CHRM3: variants seen among roughly 807,000 people sequenced by gnomAD.
CHRM3 encodes muscarinic acetylcholine receptor M3.
Under a neutral mutation model 41.8 loss-of-function variants are expected in CHRM3, and 11 were observed. The observed-to-expected ratio is 0.26, with a 90% CI of 0.17 to 0.44. CHRM3 has a LOEUF of 0.44. Ranked by LOEUF, CHRM3 falls within the 20% of genes least tolerant of loss-of-function variation. CHRM3 has a pLI of 1.00. For synonymous variants in CHRM3, 297 were observed against 301.4 expected (o/e 0.99, Z 0.15); for missense variants, 571 against 745.4 (o/e 0.77, Z 2.72).
intron 3 of CHRM3, among the ~76,000 whole-genome samples, chr1:239,585,364 G>C (rs974798372): frequency 1.3e-5 from 2 of 152,058 alleles, no homozygotes; most frequent in Admixed American, 6.6e-5. Context: ...TTTAAGCTGA[G>C]GTTGGTAGGC....
intron 1 of CHRM3, among the ~76,000 whole-genome samples, chr1:239,419,877 A>G (rs929834027): frequency 6.6e-6 from 1 of 152,184 alleles, no homozygotes; most frequent in Non-Finnish European, 1.5e-5. Flanking sequence ...ATATAAAACA[A>G]TTTTATTTAC....
intron 3 of CHRM3, 184 bp downstream of exon 3, chr1:239,545,933 T>C (rs554114648): frequency 1.4e-3 from 214 of 152,276 alleles, no homozygotes; most frequent in African/African-American, 4.9e-3. Flanking sequence ...CTGAGCTGTA[T>C]CTATTAGGTA....
At chr1:239,633,416 C>T (rs1670089146) in intron 4 of CHRM3, among the ~76,000 whole-genome samples, 1 of 152,192 alleles carries the variant, frequency 6.6e-6, no homozygotes, top group African/African-American at 2.4e-5. Flanking sequence ...TCACCTCCCA[C>T]AAGGCCCCTC....
At chr1:239,569,487 T>G (rs2148527830) in intron 3 of CHRM3, among the ~76,000 whole-genome samples, 1 of 152,232 alleles carries the variant, frequency 6.6e-6, no homozygotes, top group Admixed American at 6.5e-5. Flanking sequence ...TAACACAAAT[T>G]AGTAGGAAAT....
chr1:239,900,394 T>TG (rs1679433706), intron 6 of CHRM3, among the ~76,000 whole-genome samples: 1 of 145,062 alleles, frequency 6.9e-6, no homozygotes, highest in African/African-American at 2.8e-5. Flanking sequence ...TTTTTTTTTT[T>TG]TGAAATCCTT....
intron 4 of CHRM3, among the ~76,000 whole-genome samples, chr1:239,674,399 A>T (rs1308649715): frequency 3.3e-5 from 5 of 152,054 alleles, no homozygotes; most frequent in Admixed American, 2.0e-4. Context: ...CCATTTGACC[A>T]TTAGTGTGGC....
intron 4 of CHRM3, among the ~76,000 whole-genome samples, chr1:239,676,569 A>G (rs1337543527): frequency 6.6e-6 from 1 of 152,194 alleles, no homozygotes; most frequent in Non-Finnish European, 1.5e-5. Context: ...TACCACATTC[A>G]TCATTGTGCC....
intron 6 of CHRM3, among the ~76,000 whole-genome samples, chr1:239,831,827 A>C (rs368470270): frequency 2.6e-5 from 4 of 152,202 alleles, no homozygotes; most frequent in Non-Finnish European, 5.9e-5. Flanking sequence ...TGTTATATAG[A>C]TTAAAGCCAA....
intron 6 of CHRM3, among the ~76,000 whole-genome samples, chr1:239,846,609 C>G (rs1039329614): frequency 6.6e-6 from 1 of 152,140 alleles, no homozygotes; most frequent in Non-Finnish European, 1.5e-5. Flanking sequence ...TTCAGAGGAA[C>G]AGCCAATATA....
At chr1:239,394,442 A>G (rs1659308468) in intron 1 of CHRM3, among the ~76,000 whole-genome samples, 1 of 152,158 alleles carries the variant, frequency 6.6e-6, no homozygotes, top group Admixed American at 6.5e-5. Flanking sequence ...CAGCCAGAAA[A>G]TCTAGGATAA....
At chr1:239,650,841 C>G (rs1297395601) in intron 4 of CHRM3, among the ~76,000 whole-genome samples, 1 of 152,074 alleles carries the variant, frequency 6.6e-6, no homozygotes, top group African/African-American at 2.4e-5. Context: ...AAGGTTAAAA[C>G]TAAGTAAGCT....
intron 3 of CHRM3, among the ~76,000 whole-genome samples, chr1:239,575,257 G>A (rs572045843): frequency 1.5e-4 from 23 of 152,256 alleles, no homozygotes; most frequent in African/African-American, 5.5e-4. Context: ...AAAAAAAGGT[G>A]AAAATCTCTG....
intron 5 of CHRM3, among the ~76,000 whole-genome samples, chr1:239,720,339 T>G (rs1253169597): frequency 3.3e-5 from 5 of 152,018 alleles, no homozygotes. Context: ...ATCATGTTCA[T>G]ATAGTCACTG....
At chr1:239,490,823 T>G (rs1667506148) in intron 1 of CHRM3, among the ~76,000 whole-genome samples, 1 of 152,180 alleles carries the variant, frequency 6.6e-6, no homozygotes, top group African/African-American at 2.4e-5. Context: ...CACAGCTCAC[T>G]GCAGCCTCAT....
At chr1:239,878,072 A>G (rs1044919703) in intron 6 of CHRM3, among the ~76,000 whole-genome samples, 13 of 151,516 alleles carry the variant, frequency 8.6e-5, no homozygotes, top group Non-Finnish European at 2.9e-5. Flanking sequence ...TTGTATTTTT[A>G]GTAGAGACAG....
At chr1:239,538,002 T>C (rs934735579) in intron 2 of CHRM3, among the ~76,000 whole-genome samples, 20 of 152,312 alleles carry the variant, frequency 1.3e-4, no homozygotes, top group African/African-American at 4.6e-4. Context: ...GCGCTTGGCA[T>C]GTGGGTAGCC....
chr1:239,497,210 C>T lies in CHRM3; in HGVS notation c.-422+4403C>T, dbSNP rs566282164. On this transcript the variant is annotated intron_variant, in intron 2 of 6. Transcript: ENST00000676153. ...ACATCCTGATTTTGAAATTACTCTT[C>T]ATTTTATTCAGTGCTCTTCAGAGAC... 9.9e-5 allele frequency among the ~76,000 whole-genome samples: 15 copies of T among 152,266 alleles called. 1 individual carries two copies. The highest frequency in any genetic ancestry group is 3.1e-4 in the African/African-American group (13 of 41,550).
intron 2 of CHRM3, among the ~76,000 whole-genome samples, chr1:239,514,203 A>T (rs1669108676): frequency 6.6e-6 from 1 of 152,098 alleles, no homozygotes; most frequent in African/African-American, 2.4e-5. Flanking sequence ...CATTGCATTG[A>T]ATCAATAGAC....
chr1:239,700,174 G>A (rs12130233), intron 5 of CHRM3, among the ~76,000 whole-genome samples: 7,664 of 152,060 alleles, frequency 0.05, 218 homozygotes, highest in East Asian at 0.076. Flanking sequence ...CCTTTCTATC[G>A]AGGTACCAGT....
Sources: gnomAD v4.1 joint callset for allele counts (sites outside exome capture counted in the v4.1 genomes callset) on GRCh38, gnomAD v4.1.1 for gene constraint, MANE v1.5 for transcripts, NCBI Gene and HGNC (gene_info 2026-07-23, HGNC 2026-07-21) for gene names.